AKAP7: variants seen among roughly 807,000 people sequenced by gnomAD.
AKAP7 encodes the protein A-kinase anchoring protein 7, also known as A kinase (PRKA) anchor protein 7.
A neutral mutation model predicts 39.5 loss-of-function variants in AKAP7; 39 were observed. The observed-to-expected ratio is 0.99, with a 90% CI of 0.76 to 1.29. AKAP7 has a LOEUF of 1.29. AKAP7 is among the 50% of genes most tolerant of loss of function. AKAP7 has a pLI of 0.00. For synonymous variants in AKAP7, 140 were observed against 139.1 expected (o/e 1.01, Z -0.05); for missense variants, 414 against 407.7 (o/e 1.02, Z -0.13).
chr6:131,235,307 C>T lies in AKAP7; in HGVS notation c.850+15499C>T, dbSNP rs1421015205. 6.6e-5 allele frequency among the ~76,000 whole-genome samples: 10 copies of T among 152,236 alleles called. No homozygotes were observed. The South Asian group carries it at 2.1e-3, about 32-fold the overall frequency. Reference sequence around the variant, plus strand: ...CACATTTTCTTAATCCAGTCTATCACTGTTGGACATTTGGGTTGGTTCCAA... The same window carrying T: ...CACATTTTCTTAATCCAGTCTATCATTGTTGGACATTTGGGTTGGTTCCAA... On this transcript the variant is annotated intron_variant, in intron 7 of 7. Transcript: ENST00000431975.
At position 131,135,516 on chromosome 6, in the gene AKAP7, G is replaced by GGCTGCCGCCGCCGCTGCTGCCGCT. The variant is rs1554376087; in HGVS notation, c.-245_-222dup. Reference sequence around the variant, plus strand: ...GGCATGCGGGTGCTGCGGCTGCTGCGGCTGCCGCCGCCGCTGCTGCCGCTG... The same window carrying GGCTGCCGCCGCCGCTGCTGCCGCT: ...GGCATGCGGGTGCTGCGGCTGCTGCGGCTGCCGCCGCCGCTGCTGCCGCTGCTGCCGCCGCCGCTGCTGCCGCTG... On this transcript the variant is annotated 5_prime_UTR_variant, in exon 1 of 8. Transcript: ENST00000431975. 2 of 162,076 alleles carry GGCTGCCGCCGCCGCTGCTGCCGCT rather than the reference G, an allele frequency of 1.2e-5. No homozygotes were observed. Among genetic ancestry groups the GGCTGCCGCCGCCGCTGCTGCCGCT allele is most frequent in the Non-Finnish European group, 2.6e-5 (2 of 77,636 alleles). The allele number at this position is 162,076 out of a possible 1,614,324, so 10.0% of individuals were successfully genotyped here.
chr6:131,250,129 G>T (rs11759926), intron 7 of AKAP7: 316,564 of 974,248 alleles, frequency 0.32, 53,292 homozygotes, highest in Middle Eastern at 0.36. Context: ...AGAAAATATG[G>T]TTTTTTTGGG....
intron 4 of AKAP7, among the ~76,000 whole-genome samples, chr6:131,166,365 CTG>C (rs139274552): frequency 9.9e-5 from 15 of 152,230 alleles, no homozygotes; most frequent in Admixed American, 9.8e-4. Context: ...GAGTAGTGCT[CTG>C]TGTGTGTTAG....
At chr6:131,232,907 T>C (rs892767634) in intron 7 of AKAP7, among the ~76,000 whole-genome samples, 1 of 150,286 alleles carries the variant, frequency 6.7e-6, no homozygotes, top group Non-Finnish European at 1.5e-5. Context: ...TATTATTTAT[T>C]ATTATTATTT....
chr6:131,187,481 A>C (rs904756161), intron 5 of AKAP7, among the ~76,000 whole-genome samples: 5 of 152,088 alleles, frequency 3.3e-5, no homozygotes, highest in African/African-American at 1.2e-4. Context: ...ACTTATTTCA[A>C]GTGTCACTTT....
chr6:131,143,628 T>G (rs1801226047), intron 1 of AKAP7, among the ~76,000 whole-genome samples: 1 of 151,648 alleles, frequency 6.6e-6, no homozygotes, highest in African/African-American at 2.4e-5. Flanking sequence ...ACAACAGGGG[T>G]GTGTGTGTGT....
chr6:131,158,894 G>T (rs961640220), intron 2 of AKAP7, among the ~76,000 whole-genome samples: 2 of 147,046 alleles, frequency 1.4e-5, no homozygotes, highest in East Asian at 3.9e-4. Context: ...GCGTGCATAT[G>T]GAAGCCCTGA....
intron 7 of AKAP7, among the ~76,000 whole-genome samples, chr6:131,264,274 C>G (rs947188859): frequency 1.3e-5 from 2 of 152,156 alleles, no homozygotes. Flanking sequence ...TGCATATAAA[C>G]TGAACTTGAT....
At chr6:131,197,842 G>A (rs972522771) in intron 5 of AKAP7, among the ~76,000 whole-genome samples, 1 of 152,198 alleles carries the variant, frequency 6.6e-6, no homozygotes, top group Admixed American at 6.5e-5. Flanking sequence ...AAGAGAGAAA[G>A]TAGGACCAGG....
intron 7 of AKAP7, among the ~76,000 whole-genome samples, chr6:131,273,187 A>T (rs1051067802): frequency 1.3e-5 from 2 of 151,986 alleles, no homozygotes; most frequent in African/African-American, 4.8e-5. Flanking sequence ...TTTCCGTATT[A>T]TTACCTTTAA....
chr6:131,181,026 C>T (rs758831263), intron 5 of AKAP7, among the ~76,000 whole-genome samples: 13 of 137,364 alleles, frequency 9.5e-5, no homozygotes, highest in Non-Finnish European at 2.1e-4. Flanking sequence ...GTCTCAGCCT[C>T]CTGGGTTCAA....
chr6:131,126,091 G>GTAGTCACT, the AKAP7 span, among the ~76,000 whole-genome samples: 1 of 152,150 alleles, frequency 6.6e-6, no homozygotes, highest in Non-Finnish European at 1.5e-5. Context: ...TATTAAATAA[G>GTAGTCACT]TAGTCACTTT....
intron 5 of AKAP7, chr6:131,184,193 A>C (rs1381892297): frequency 5.2e-6 from 2 of 382,026 alleles, no homozygotes; most frequent in African/African-American, 2.1e-5. Context: ...TGCCAAAGGC[A>C]GGCTAGAACA....
intron 7 of AKAP7, among the ~76,000 whole-genome samples, chr6:131,238,741 T>C (rs1811289854): frequency 6.6e-6 from 1 of 152,228 alleles, no homozygotes; most frequent in Non-Finnish European, 1.5e-5. Flanking sequence ...CCTGCCTTTT[T>C]TTGTTTTCCA....
intron 1 of AKAP7, among the ~76,000 whole-genome samples, chr6:131,139,544 G>A (rs1584926080): frequency 6.6e-6 from 1 of 152,298 alleles, no homozygotes; most frequent in East Asian, 1.9e-4. Flanking sequence ...GTGTTGTGCT[G>A]AGGCTGCCAC....
chr6:131,138,964 A>G (rs937666134), intron 1 of AKAP7, among the ~76,000 whole-genome samples: 2 of 152,238 alleles, frequency 1.3e-5, no homozygotes, highest in African/African-American at 2.4e-5. Context: ...CAAAAGATAG[A>G]ATTTTAACTA....
intron 7 of AKAP7, among the ~76,000 whole-genome samples, chr6:131,237,013 G>T (rs1454250272): frequency 6.6e-6 from 1 of 152,092 alleles, no homozygotes. Flanking sequence ...TCCAGTTTTT[G>T]TCCATTCAGT....
intron 6 of AKAP7, among the ~76,000 whole-genome samples, chr6:131,212,639 C>T (rs1223511240): frequency 6.6e-6 from 1 of 152,184 alleles, no homozygotes; most frequent in African/African-American, 2.4e-5. Context: ...AGTCCTTCCT[C>T]TGTTAGACAG....
chr6:131,253,027 C>T (rs770258332), intron 7 of AKAP7: 4 of 1,612,828 alleles, frequency 2.5e-6, no homozygotes, highest in Non-Finnish European at 3.4e-6. Flanking sequence ...GTGTTATTCT[C>T]AAAACACAGG....
Sources: gnomAD v4.1 joint callset for allele counts (sites outside exome capture counted in the v4.1 genomes callset) on GRCh38, gnomAD v4.1.1 for gene constraint, MANE v1.5 for transcripts, NCBI Gene and HGNC (gene_info 2026-07-23, HGNC 2026-07-21) for gene names.